CSMD2: variants seen among roughly 807,000 people sequenced by gnomAD.
The protein encoded by CSMD2 is CUB and Sushi multiple domains 2.
Under a neutral mutation model 398.5 loss-of-function variants are expected in CSMD2, and 130 were observed. The ratio of observed to expected loss-of-function variants is 0.33; its 90% CI spans 0.28 to 0.38. CSMD2 has a LOEUF of 0.38. CSMD2 is among the 10% of genes least tolerant of loss of function. CSMD2 has a pLI of 1.00. For missense variants in CSMD2, 3,829 were observed against 4,764.9 expected (o/e 0.80, Z 5.78); for synonymous variants, 1,828 against 1,908.5 (o/e 0.96, Z 1.10).
intron 19 of CSMD2, among the ~76,000 whole-genome samples, chr1:33,717,943 T>A (rs1342623853): frequency 1.3e-5 from 2 of 152,108 alleles, no homozygotes; most frequent in Non-Finnish European, 2.9e-5. Context: ...CACTAAATAT[T>A]TACTGTCCTA....
chr1:33,831,838 C>CA (rs1467278319), intron 6 of CSMD2, among the ~76,000 whole-genome samples: 1 of 150,472 alleles, frequency 6.6e-6, no homozygotes, highest in Non-Finnish European at 1.5e-5. Context: ...AAATGGAAAA[C>CA]AAAAAAAGGC....
chr1:33,900,650 G>C (rs1209894185), intron 5 of CSMD2, among the ~76,000 whole-genome samples: 2 of 152,074 alleles, frequency 1.3e-5, no homozygotes, highest in African/African-American at 4.8e-5. Context: ...GTGGTGGCAG[G>C]CACTTGTAAT....
At chr1:33,903,963 G>A (rs10799008) in intron 5 of CSMD2, among the ~76,000 whole-genome samples, 63,678 of 152,078 alleles carry the variant, frequency 0.42, 16,171 homozygotes, top group African/African-American at 0.72. Context: ...GCAGAAGCCC[G>A]AGCAGGGAAC....
intron 2 of CSMD2, among the ~76,000 whole-genome samples, chr1:34,060,999 C>T (rs1654432008): frequency 6.6e-6 from 1 of 152,104 alleles, no homozygotes; most frequent in Admixed American, 6.6e-5. Context: ...CATAAGAGAC[C>T]ATAATCCGTA....
chr1:33,659,070 G>T (rs1330943269), intron 26 of CSMD2, among the ~76,000 whole-genome samples: 1 of 151,206 alleles, frequency 6.6e-6, no homozygotes, highest in Non-Finnish European at 1.5e-5. Context: ...TCAGATATTT[G>T]TAGCAAGTGG....
chr1:33,837,682 C>T (rs1660445331), intron 6 of CSMD2, among the ~76,000 whole-genome samples: 1 of 152,214 alleles, frequency 6.6e-6, no homozygotes, highest in Non-Finnish European at 1.5e-5. Flanking sequence ...CAAATATTCA[C>T]ATACAAAAAA....
intron 2 of CSMD2, among the ~76,000 whole-genome samples, chr1:34,050,936 T>G (rs1234979998): frequency 6.6e-6 from 1 of 152,154 alleles, no homozygotes; most frequent in Non-Finnish European, 1.5e-5. Context: ...CCAGAGGTCT[T>G]AGTTCCAGGT....
rs544123754 is a variant in CSMD2, at chr1:34,113,425, T to C, written c.188-24232A>G. Among the ~76,000 whole-genome samples the C allele has an allele frequency of 2.6e-5, 4 of 152,328 alleles. No individual in the cohort carries two copies. In the East Asian group the frequency reaches 5.8e-4, roughly 22 times the overall value. ...TAGGAGCACATGTTCATCCATAGCA[T>C]GAATAATATGCAAGACGCACATGGG... is the stretch of plus-strand genomic sequence containing the variant. On this transcript the variant is annotated intron_variant, in intron 1 of 70. Transcript: ENST00000373381.
At chr1:33,600,669 A>T in intron 44 of CSMD2, 196 bp downstream of exon 44, 1 of 615,852 alleles carries the variant, frequency 1.6e-6, no homozygotes, top group Non-Finnish European at 2.8e-6. Flanking sequence ...GAAAACTTGC[A>T]TTTACAGAAC....
intron 3 of CSMD2, among the ~76,000 whole-genome samples, chr1:33,949,737 G>C (rs1570602020): frequency 6.6e-6 from 1 of 152,132 alleles, no homozygotes; most frequent in African/African-American, 2.4e-5. Flanking sequence ...ACAAGAAGTG[G>C]CACATGGCCA....
chr1:33,547,808 C>T (rs1264974628), intron 56 of CSMD2, among the ~76,000 whole-genome samples: 1 of 152,196 alleles, frequency 6.6e-6, no homozygotes, highest in African/African-American at 2.4e-5. Context: ...CAGCTCTAAC[C>T]CACACACTGG....
At chr1:33,811,115 C>T (rs1656821241) in intron 9 of CSMD2, among the ~76,000 whole-genome samples, 1 of 152,080 alleles carries the variant, frequency 6.6e-6, no homozygotes, top group Admixed American at 6.5e-5. Context: ...CCTCTGCATG[C>T]CCCACTTACC....
In CSMD2 at chr1:33,724,530, A is replaced by G. The variant is rs966175145; in HGVS notation, c.2870T>C (p.Leu957Pro). 1 of 1,613,976 alleles carries G rather than the reference A, an allele frequency of 6.2e-7. No individual in the cohort carries two copies. Among genetic ancestry groups the G allele is most frequent in the Non-Finnish European group, 8.5e-7 (1 of 1,179,912 alleles). The change falls in exon 18 of 71, where the codon CTG (leucine) becomes CCG (proline). Residue 957 changes from leucine to proline, a missense_variant. Leu to Pro is a moderately conservative substitution (Grantham distance 98). Around this residue, in one of 5 missense-constraint regions of CSMD2, gnomAD observed 2,001 missense variants for 2,567.1 expected, o/e 0.78. Transcript: ENST00000373381. ...CEPNFQWSRA[L>P]PSCEALCGGF... is the part of the protein sequence containing the mutation. ...GTGTCCCTCACCTTCACAACTGGGC[A>G]GGGCCCGGCTCCACTGGAAGTTGGG...
intron 44 of CSMD2, chr1:33,600,318 C>A: frequency 1.7e-6 from 1 of 594,400 alleles, no homozygotes; most frequent in Non-Finnish European, 3.0e-6. Context: ...TTTCTCTAGG[C>A]AATTCCACTA....
At chr1:33,828,540 A>T (rs781611566) in intron 6 of CSMD2, among the ~76,000 whole-genome samples, 19 of 152,048 alleles carry the variant, frequency 1.2e-4, no homozygotes, top group Admixed American at 9.8e-4. Flanking sequence ...GAGGAAGGGG[A>T]ATGAGGAAGG....
chr1:34,051,427 G>T (rs1653159086), intron 2 of CSMD2, among the ~76,000 whole-genome samples: 1 of 152,058 alleles, frequency 6.6e-6, no homozygotes, highest in Admixed American at 6.6e-5. Context: ...ATGAGTGTTT[G>T]CATGTGTATA....
At chr1:33,920,132 G>A (rs150530560) in intron 4 of CSMD2, among the ~76,000 whole-genome samples, 2 of 152,114 alleles carry the variant, frequency 1.3e-5, no homozygotes, top group Non-Finnish European at 2.9e-5. Flanking sequence ...AGGAATGAGA[G>A]AGGAAGACAC....
rs963969446 is a variant in CSMD2, at chr1:33,514,733, T to C, written c.*1891A>G. 12 of 151,512 alleles carry C rather than the reference T, an allele frequency of 7.9e-5. No individual in the cohort carries two copies. The highest frequency in any genetic ancestry group is 2.9e-4 in the African/African-American group (12 of 41,030). 9.4% of individuals were successfully genotyped at this position (151,512 alleles called of 1,614,324 possible). On this transcript the variant is annotated 3_prime_UTR_variant, in exon 71 of 71. Coordinates refer to ENST00000373381, the MANE Select transcript of CSMD2 (RefSeq NM_001281956.2). ...TTCCAGCCAAGGAAAGAGATGAGAG[T>C]GTGAGTGTGTCTGGATTGGCCCTCT...
At chr1:34,083,627 A>G (rs1657517129) in intron 2 of CSMD2, among the ~76,000 whole-genome samples, 1 of 152,214 alleles carries the variant, frequency 6.6e-6, no homozygotes, top group Non-Finnish European at 1.5e-5. Context: ...TAAATGACAC[A>G]CTAGTAGACC....
Sources: gnomAD v4.1 joint callset for allele counts (sites outside exome capture counted in the v4.1 genomes callset) on GRCh38, gnomAD v4.1.1 for gene constraint, gnomAD v4.1.1 regional missense constraint, MANE v1.5 for transcripts, NCBI Gene and HGNC (gene_info 2026-07-23, HGNC 2026-07-21) for gene names.